Variants in ANTXR1 observed in about 807,000 individuals in gnomAD.
ANTXR1 encodes ANTXR cell adhesion molecule 1, also known as anthrax toxin receptor 1.
ANTXR1 carries 19 observed loss-of-function variants against 78.1 expected under a neutral mutation model. That is an observed-to-expected ratio of 0.24 (90% CI 0.17 to 0.36). ANTXR1 has a LOEUF of 0.36. Among genes scored for constraint, ANTXR1 ranks in the 10% least tolerant of loss-of-function variants. ANTXR1 has a pLI of 1.00. For synonymous variants in ANTXR1, 273 were observed against 260.5 expected, an observed-to-expected ratio of 1.05 and a Z score of -0.46; for missense variants, 518 against 718.6, an observed-to-expected ratio of 0.72 and a Z score of 3.19.
At chr2:69,213,922 C>A (rs1675113899) in intron 17 of ANTXR1, among the ~76,000 whole-genome samples, 1 of 152,242 alleles carries the variant, frequency 6.6e-6, no homozygotes, top group Non-Finnish European at 1.5e-5. Context: ...TATGTGGGGG[C>A]ACTAAGCATA....
Position 69,181,826 on chromosome 2 carries a change from C to A in ANTXR1, c.1130C>A (p.Thr377Lys), listed in dbSNP as rs201850545. 4 of 1,613,938 alleles carry A rather than the reference C, an allele frequency of 2.5e-6. No individual in the cohort carries two copies. The highest frequency in any genetic ancestry group is 3.4e-6 in the Non-Finnish European group (4 of 1,179,990). ...GGTCTGCCTAAGAAAAAGTGGCCAA[C>A]GGTAGACGCCTCTTATTATGGTGGG... ...DDGLPKKKWP[T>K]VDASYYGGRG... is the part of the protein sequence containing the mutation. The change falls in exon 15 of 18, where the codon ACG (threonine) becomes AAG (lysine). Residue 377 changes from threonine to lysine, a missense_variant. By Grantham distance (78) the Thr-to-Lys change is moderately conservative (BLOSUM62 -1). Coordinates refer to ENST00000303714, the MANE Select transcript of ANTXR1 (RefSeq NM_032208.3).
Position 69,156,427 on chromosome 2 carries a change from C to G in ANTXR1, c.1047+4163C>G, listed in dbSNP as rs111501556. Among the ~76,000 whole-genome samples the G allele has an allele frequency of 1.1e-4, 17 of 152,292 alleles. 1 individual carries two copies. Among genetic ancestry groups the G allele is most frequent in the African/African-American group, 4.1e-4 (17 of 41,568 alleles). ...TCCACTGGCTTCCTCCCTCTGCCTA[C>G]AAACATACGCCAGCCACCTTCATCC... On this transcript the variant is annotated intron_variant, in intron 13 of 17. Transcript: ENST00000303714.
intron 12 of ANTXR1, chr2:69,146,453 G>A (rs564124255): frequency 1.1e-5 from 10 of 885,392 alleles, no homozygotes; most frequent in Admixed American, 6.2e-5. Context: ...AAGACTCCAC[G>A]TGTGGCTGTT....
At chr2:69,244,072 G>A (rs1675955660) in intron 17 of ANTXR1, among the ~76,000 whole-genome samples, 1 of 152,244 alleles carries the variant, frequency 6.6e-6, no homozygotes, top group Non-Finnish European at 1.5e-5. Flanking sequence ...GCAGAGCTGA[G>A]TGTTGCACAG....
At chr2:69,166,581 G>A (rs12620093) in intron 13 of ANTXR1, among the ~76,000 whole-genome samples, 30,772 of 152,070 alleles carry the variant, frequency 0.2, 4,461 homozygotes, top group East Asian at 0.48. Flanking sequence ...GAGTAGAAAT[G>A]TGAAAAATGT....
intron 12 of ANTXR1, among the ~76,000 whole-genome samples, chr2:69,128,529 A>T (rs1421025738): frequency 6.6e-6 from 1 of 152,140 alleles, no homozygotes; most frequent in African/African-American, 2.4e-5. Flanking sequence ...GTACATGTTT[A>T]TCACTAGACC....
intron 12 of ANTXR1, among the ~76,000 whole-genome samples, chr2:69,145,002 T>C (rs1573930319): frequency 6.6e-6 from 1 of 152,288 alleles, no homozygotes; most frequent in South Asian, 2.1e-4. Context: ...CCTGCCTTGA[T>C]TGTGAATAAA....
chr2:69,143,307 C>T (rs1237110447), intron 12 of ANTXR1, among the ~76,000 whole-genome samples: 1 of 152,170 alleles, frequency 6.6e-6, no homozygotes, highest in Non-Finnish European at 1.5e-5. Context: ...TCAGGATATA[C>T]TGATGGCACG....
intron 3 of ANTXR1, among the ~76,000 whole-genome samples, chr2:69,060,972 A>G (rs1447724217): frequency 6.6e-6 from 1 of 152,232 alleles, no homozygotes; most frequent in African/African-American, 2.4e-5. Context: ...AACCATAAAA[A>G]CACCACATAT....
intron 17 of ANTXR1, among the ~76,000 whole-genome samples, chr2:69,223,336 C>T (rs1210977839): frequency 6.6e-6 from 1 of 152,212 alleles, no homozygotes; most frequent in Non-Finnish European, 1.5e-5. Flanking sequence ...ATTCCTGTGT[C>T]ACTCTCCAAG....
At chr2:69,059,947 A>G (rs940307796) in intron 3 of ANTXR1, among the ~76,000 whole-genome samples, 1 of 152,206 alleles carries the variant, frequency 6.6e-6, no homozygotes, top group African/African-American at 2.4e-5. Context: ...TACTGCACAA[A>G]TGTGTGACCA....
At chr2:69,033,278 A>G (rs767570370) in intron 1 of ANTXR1, among the ~76,000 whole-genome samples, 7 of 152,208 alleles carry the variant, frequency 4.6e-5, no homozygotes, top group African/African-American at 7.2e-5. Context: ...TTTTTGAGCA[A>G]GAGGGAGGTA....
intron 17 of ANTXR1, among the ~76,000 whole-genome samples, chr2:69,194,690 TAA>T: frequency 6.6e-6 from 1 of 151,688 alleles, no homozygotes; most frequent in East Asian, 1.9e-4. Flanking sequence ...CCATCTCTAC[TAA>T]AAATACAAAA....
intron 12 of ANTXR1, among the ~76,000 whole-genome samples, chr2:69,149,274 G>A (rs1478830369): frequency 6.6e-6 from 1 of 152,118 alleles, no homozygotes; most frequent in Admixed American, 6.5e-5. Context: ...AGGGAACTGG[G>A]CCTCATTAGG....
chr2:69,232,592 C>G (rs1000467130), intron 17 of ANTXR1, among the ~76,000 whole-genome samples: 8 of 151,386 alleles, frequency 5.3e-5, no homozygotes, highest in Non-Finnish European at 1.2e-4. Context: ...TAACTGGGAT[C>G]CTAGAAAATA....
intron 1 of ANTXR1, among the ~76,000 whole-genome samples, chr2:69,019,355 T>C (rs1671114966): frequency 6.6e-6 from 1 of 152,230 alleles, no homozygotes; most frequent in African/African-American, 2.4e-5. Context: ...TCTTCCATTT[T>C]AACTTGTTTG....
At chr2:69,136,395 A>G (rs76921584) in intron 12 of ANTXR1, among the ~76,000 whole-genome samples, 10,495 of 152,242 alleles carry the variant, frequency 0.069, 421 homozygotes, top group African/African-American at 0.1. Flanking sequence ...GTAAGCCAAG[A>G]CTCAACAAAT....
rs141825553 is a variant in ANTXR1, at chr2:69,127,832, G to T, written c.951+3189G>T. 2.4e-3 allele frequency among the ~76,000 whole-genome samples: 365 copies of T among 152,274 alleles called. 6 individuals are homozygous for T. The highest frequency in any genetic ancestry group is 6.3e-4 in the Non-Finnish European group (43 of 68,024). Reference sequence around the variant, plus strand: ...TGAAAGGATGGAGTTGCCATCAGCTGCCAGACAGGAAGAAGACAGAGGGAG... The same window carrying T: ...TGAAAGGATGGAGTTGCCATCAGCTTCCAGACAGGAAGAAGACAGAGGGAG... On this transcript the variant is annotated intron_variant, in intron 12 of 17. Transcript: ENST00000303714.
intron 1 of ANTXR1, among the ~76,000 whole-genome samples, chr2:69,037,084 A>G (rs1330510570): frequency 6.6e-6 from 1 of 152,196 alleles, no homozygotes; most frequent in Non-Finnish European, 1.5e-5. Flanking sequence ...GTCACCAAGC[A>G]GCTATGCCCT....
Sources: allele counts gnomAD v4.1 joint callset (sites outside exome capture counted in the v4.1 genomes callset), GRCh38; gene constraint gnomAD v4.1.1; transcripts MANE v1.5; gene names NCBI Gene and HGNC (gene_info 2026-07-23, HGNC 2026-07-21).